Variants in PLEKHJ1 observed in about 807,000 individuals in gnomAD.
PLEKHJ1 encodes pleckstrin homology domain containing J1, also known as pleckstrin homology domain-containing family J member 1.
Under a neutral mutation model 21.7 loss-of-function variants are expected in PLEKHJ1, and 20 were observed. The ratio of observed to expected loss-of-function variants is 0.92; its 90% CI spans 0.65 to 1.34. The LOEUF is 1.34. Among genes scored for constraint, PLEKHJ1 ranks in the 40% most tolerant of loss-of-function variants. The probability of loss-of-function intolerance (pLI) is 0.00; values close to 1 mark genes in which losing one functional copy is unlikely to be tolerated. For synonymous variants in PLEKHJ1, 113 were observed against 80.6 expected (o/e 1.40, Z -2.15); for missense variants, 241 against 202.0 (o/e 1.19, Z -1.17).
At chr19:2,232,207 G>A (rs2144980452), downstream of PLEKHJ1, 3 of 222,178 alleles carry the variant, frequency 1.4e-5, no homozygotes, top group South Asian at 3.7e-4. Flanking sequence ...CTCAGGAATT[G>A]ATAGGAACCC....
At chr19:2,235,665 C>T in intron 3 of PLEKHJ1, 97 bp downstream of exon 3, 1 of 1,031,110 alleles carries the variant, frequency 9.7e-7, no homozygotes, top group South Asian at 1.5e-5. Flanking sequence ...AGGCTGGGGA[C>T]ACAGAGGAGA....
chr19:2,236,311 G>T lies in PLEKHJ1; in HGVS notation c.-63C>A. ...CGGCCGCCGTCCCCGCTCAGGCTGG[G>T]GCCGGCGCCAAAAATGTCTCAGGGC... On this transcript the variant is annotated 5_prime_UTR_variant, in exon 1 of 6. Transcript: ENST00000326631. 1 of 1,095,370 alleles carries T rather than the reference G, an allele frequency of 9.1e-7. No homozygotes were observed. Among genetic ancestry groups the T allele is most frequent in the Non-Finnish European group, 1.2e-6 (1 of 835,256 alleles). The allele number at this position is 1,095,370 out of a possible 1,614,324, so 67.9% of individuals were successfully genotyped here.
At chr19:2,230,756 CTTAT>C (rs1219502276), downstream of PLEKHJ1, 4 of 397,000 alleles carry the variant, frequency 1.0e-5, no homozygotes, top group South Asian at 1.4e-4. Flanking sequence ...GGGAAAAAAC[CTTAT>C]TTATTCAAAC....
In PLEKHJ1 at chr19:2,235,949, A is replaced by T; in HGVS notation, c.136T>A (p.Phe46Ile). 6.2e-7 allele frequency: 1 copy of T among 1,610,492 alleles called. No individual in the cohort carries two copies. The highest frequency in any genetic ancestry group is 8.5e-7 in the Non-Finnish European group (1 of 1,179,082). Residue 46 changes from phenylalanine to isoleucine, a missense_variant, in exon 2 of 6, where the codon TTC (phenylalanine) becomes ATC (isoleucine). By Grantham distance (21) the Phe-to-Ile change is conservative. Transcript: ENST00000326631. Reference protein sequence around the residue: ...RLVKLVVNFLFYFRTDEAEPV... With the variant: ...RLVKLVVNFLIYFRTDEAEPV... ...TCGGCCTCGTCTGTCCGAAAGTAGA[A>T]GAGGAAATTCACCACCAGCTTCACC... is the stretch of plus-strand genomic sequence containing the variant.
At chr19:2,236,025 G>GC (rs2024800611) in intron 1 of PLEKHJ1, 35 bp from the exon 2 acceptor site, 3 of 1,562,424 alleles carry the variant, frequency 1.9e-6, no homozygotes, top group Non-Finnish European at 2.6e-6. Context: ...GGCGCAGGCA[G>GC]CCCCCGCCCG....
downstream of PLEKHJ1, chr19:2,230,657 A>C (rs2024561172): frequency 7.5e-6 from 3 of 398,260 alleles, no homozygotes; most frequent in South Asian, 2.6e-4. Context: ...TATTTTATAG[A>C]GATGTGATGA....
At chr19:2,232,258 A>C (rs2024634503), downstream of PLEKHJ1, 1 of 216,620 alleles carries the variant, frequency 4.6e-6, no homozygotes, top group African/African-American at 2.3e-5. Context: ...TGAGGCACGC[A>C]CAGTGACTTA....
intron 3 of PLEKHJ1, 74 bp from the exon 4 acceptor site, chr19:2,234,314 G>A (rs2024719106): frequency 8.8e-7 from 1 of 1,131,538 alleles, no homozygotes; most frequent in East Asian, 2.5e-5. Flanking sequence ...CCCATAAACT[G>A]TCCCTTCTCT....
chr19:2,230,388 G>A (rs568553617), downstream of PLEKHJ1: 7 of 405,924 alleles, frequency 1.7e-5, no homozygotes, highest in Non-Finnish European at 3.0e-5. Context: ...CCTTTACCCC[G>A]GCACTGTGAA....
downstream of PLEKHJ1, chr19:2,230,254 GGCCGGCTCCCCCGAC>G (rs778070607): frequency 1.1e-4 from 45 of 418,628 alleles, no homozygotes; most frequent in Non-Finnish European, 1.8e-4. Context: ...AACGCCGCCC[GGCCGGCTCCCCCGAC>G]GCGCTGCTCC....
chr19:2,231,850 TCCTGCCCACGCA>T, downstream of PLEKHJ1: 1 of 219,894 alleles, frequency 4.5e-6, no homozygotes, highest in South Asian at 1.8e-4. Flanking sequence ...CATGCAGGGC[TCCTGCCCACGCA>T]GGCCACCGTA....
At position 2,234,064 on chromosome 19, in the gene PLEKHJ1, G is replaced by C. The variant is rs754855148; in HGVS notation, c.321-3C>G. 7 of 1,613,390 alleles carry C rather than the reference G, an allele frequency of 4.3e-6. No individual in the cohort carries two copies. Among genetic ancestry groups the C allele is most frequent in the Middle Eastern group, 1.6e-4 (1 of 6,084 alleles). ...GGCTTCTCCGCATGAACTCGTAGCT[G>C]GGGAAAAGGGTGGCACGGGGTCAAA... On this transcript the variant is annotated splice_polypyrimidine_tract_variant and splice_region_variant and intron_variant, in intron 4 of 5. Coordinates refer to ENST00000326631, the MANE Select transcript of PLEKHJ1 (RefSeq NM_018049.3).
At position 2,233,736 on chromosome 19, in the gene PLEKHJ1, A is replaced by C; in HGVS notation, c.*104T>G. The C allele has an allele frequency of 3.4e-6, 4 of 1,176,032 alleles. No individual in the cohort carries two copies. The highest frequency in any genetic ancestry group is 4.8e-6 in the Non-Finnish European group (4 of 836,026). The allele number at this position is 1,176,032 out of a possible 1,614,324, so 72.8% of individuals were successfully genotyped here. Reference sequence around the variant, plus strand: ...GGGCAACACAGTGAAACCCTGACCCAAAAACCAAAAACCAAAACAAAACAG... The same window carrying C: ...GGGCAACACAGTGAAACCCTGACCCCAAAACCAAAAACCAAAACAAAACAG... On this transcript the variant is annotated 3_prime_UTR_variant, in exon 6 of 6. Coordinates refer to ENST00000326631, the MANE Select transcript of PLEKHJ1 (RefSeq NM_018049.3).
In PLEKHJ1 at chr19:2,236,230, C is replaced by G. The variant is rs1294793204; in HGVS notation, c.19G>C (p.Glu7Gln). 5 of 1,456,554 alleles carry G rather than the reference C, an allele frequency of 3.4e-6. No homozygotes were observed. The highest frequency in any genetic ancestry group is 4.5e-6 in the Non-Finnish European group (5 of 1,108,966). The allele number at this position is 1,456,554 out of a possible 1,614,324, so 90.2% of individuals were successfully genotyped here. MRYNEK[E>Q]LQALSRQPAE... ...GGCTGCCGGGACAGAGCCTGCAGCT[C>G]CTTCTCGTTGTACCGCATGGCTCCG... Residue 7 changes from glutamate to glutamine, a missense_variant, in exon 1 of 6, where the codon GAG becomes CAG. Coordinates refer to ENST00000326631, the MANE Select transcript of PLEKHJ1 (RefSeq NM_018049.3).
intron 5 of PLEKHJ1, 30 bp from the exon 6 acceptor site, chr19:2,233,935 G>A (rs779897432): frequency 6.8e-6 from 11 of 1,612,362 alleles, no homozygotes; most frequent in Non-Finnish European, 9.3e-6. Context: ...CCATGAGCCA[G>A]GGCTGGAGGA....
downstream of PLEKHJ1, chr19:2,232,308 G>A (rs1005363507): frequency 9.7e-5 from 21 of 216,346 alleles, no homozygotes; most frequent in East Asian, 1.3e-4. Flanking sequence ...CCCAGGATGC[G>A]TCAGTCTGTT....
At chr19:2,235,687 C>T in intron 3 of PLEKHJ1, 75 bp downstream of exon 3, 2 of 1,376,986 alleles carry the variant, frequency 1.5e-6, no homozygotes, top group Non-Finnish European at 2.0e-6. Context: ...CTTGGGCGCC[C>T]GGGGAGGGGA....
chr19:2,230,184 G>A (rs1344258904), downstream of PLEKHJ1: 7 of 470,174 alleles, frequency 1.5e-5, no homozygotes, highest in Non-Finnish European at 2.2e-5. Context: ...CCAGGCCCGC[G>A]CCTGCCTCCA....
At chr19:2,231,397 C>T (rs907128628), downstream of PLEKHJ1, 3 of 204,580 alleles carry the variant, frequency 1.5e-5, no homozygotes, top group African/African-American at 4.6e-5. Context: ...AAGGGAGCCA[C>T]GGAGGAAAGG....
Sources: allele counts gnomAD v4.1 joint callset, GRCh38; gene constraint gnomAD v4.1.1; transcripts MANE v1.5; gene names NCBI Gene and HGNC (gene_info 2026-07-23, HGNC 2026-07-21).